The following DACH1 variants were observed in gnomAD, a reference collection of about 807,000 sequenced individuals.
DACH1 encodes the protein dachshund family transcription factor 1, also known as dachshund homolog 1.
Under a neutral mutation model 54.2 loss-of-function variants are expected in DACH1, and 12 were observed. The ratio of observed to expected loss-of-function variants is 0.22; its 90% CI spans 0.14 to 0.36. The LOEUF is 0.36. Ranked by LOEUF, DACH1 falls within the 10% of genes least tolerant of loss-of-function variation. DACH1 has a pLI of 1.00. For synonymous variants in DACH1, 386 were observed against 366.2 expected (o/e 1.05, Z -0.62); for missense variants, 805 against 929.8 (o/e 0.87, Z 1.75).
intron 3 of DACH1, among the ~76,000 whole-genome samples, chr13:71,590,159 G>A (rs977630879): frequency 3.3e-5 from 5 of 151,956 alleles, no homozygotes; most frequent in Non-Finnish European, 7.4e-5. Context: ...GCCACACAGC[G>A]CACTATAAAC....
At chr13:71,487,258 A>G (rs976035702) in intron 7 of DACH1, among the ~76,000 whole-genome samples, 11 of 152,126 alleles carry the variant, frequency 7.2e-5, no homozygotes, top group African/African-American at 2.7e-4. Flanking sequence ...TGTCTTGACC[A>G]TTGTCCTTTT....
intron 10 of DACH1, among the ~76,000 whole-genome samples, chr13:71,447,452 T>A (rs1203550019): frequency 6.6e-6 from 1 of 152,226 alleles, no homozygotes; most frequent in Non-Finnish European, 1.5e-5. Context: ...TATAGACAGA[T>A]GTGGAATTTA....
At chr13:71,494,214 T>G (rs1489438042) in intron 6 of DACH1, among the ~76,000 whole-genome samples, 1 of 152,152 alleles carries the variant, frequency 6.6e-6, no homozygotes, top group African/African-American at 2.4e-5. Flanking sequence ...ATTGCAATTT[T>G]CAGTTTTACA....
chr13:71,650,753 A>T (rs1878609627), intron 2 of DACH1, among the ~76,000 whole-genome samples: 1 of 152,164 alleles, frequency 6.6e-6, no homozygotes, highest in Non-Finnish European at 1.5e-5. Flanking sequence ...ACTACATATG[A>T]TCTTTCAACA....
intron 3 of DACH1, among the ~76,000 whole-genome samples, chr13:71,585,478 G>T (rs901888871): frequency 1.3e-5 from 2 of 152,138 alleles, no homozygotes; most frequent in Non-Finnish European, 2.9e-5. Context: ...GAATTTGGAA[G>T]ATGTTTGCAG....
At chr13:71,601,552 CTTAT>C (rs1874497186) in intron 3 of DACH1, among the ~76,000 whole-genome samples, 1 of 151,844 alleles carries the variant, frequency 6.6e-6, no homozygotes, top group Non-Finnish European at 1.5e-5. Context: ...TGTATTCTTA[CTTAT>C]TCTGTGCTAT....
In DACH1 at chr13:71,842,054, T is replaced by C. The variant is rs569655787; in HGVS notation, c.848+23868A>G. Among the ~76,000 whole-genome samples, 478 of 152,320 alleles carry C rather than the reference T, an allele frequency of 3.1e-3. 1 individual carries two copies. The highest frequency in any genetic ancestry group is 5.5e-3 in the Non-Finnish European group (375 of 68,032). ...ATTTTAGGCTGCAAGTATAGTGTAC[T>C]AAAGAGTGTAGAATTTGGAATCAGA... On this transcript the variant is annotated intron_variant, in intron 1 of 10. Coordinates refer to ENST00000613252, the MANE Select transcript of DACH1 (RefSeq NM_080759.6).
intron 2 of DACH1, among the ~76,000 whole-genome samples, chr13:71,675,709 C>A (rs1352678813): frequency 6.6e-6 from 1 of 152,048 alleles, no homozygotes; most frequent in Non-Finnish European, 1.5e-5. Flanking sequence ...AGCATTAATG[C>A]AAGTTAAAAT....
chr13:71,703,480 G>T (rs1431979590), intron 1 of DACH1, among the ~76,000 whole-genome samples: 1 of 152,188 alleles, frequency 6.6e-6, no homozygotes, highest in East Asian at 1.9e-4. Flanking sequence ...CAAATATAAA[G>T]AAATGGTTGT....
At chr13:71,572,319 A>G (rs949579577) in intron 4 of DACH1, among the ~76,000 whole-genome samples, 1 of 152,198 alleles carries the variant, frequency 6.6e-6, no homozygotes, top group African/African-American at 2.4e-5. Context: ...TGAAGTTTAT[A>G]TAACAATAAT....
At chr13:71,551,739 A>C (rs1883830890) in intron 6 of DACH1, among the ~76,000 whole-genome samples, 1 of 152,138 alleles carries the variant, frequency 6.6e-6, no homozygotes, top group Non-Finnish European at 1.5e-5. Context: ...ATTTTCTTTC[A>C]AAAGGGCTTT....
chr13:71,649,924 T>C (rs778971835), intron 2 of DACH1, among the ~76,000 whole-genome samples: 104 of 152,158 alleles, frequency 6.8e-4, no homozygotes, highest in Admixed American at 1.0e-3. Context: ...TATCTTGGAA[T>C]TCAAATTCTT....
At chr13:71,559,414 A>G (rs1477645594) in intron 5 of DACH1, among the ~76,000 whole-genome samples, 2 of 152,278 alleles carry the variant, frequency 1.3e-5, no homozygotes, top group Middle Eastern at 6.8e-3. Flanking sequence ...CTCCATTAAC[A>G]CAAGGATAAA....
Position 71,688,207 on chromosome 13 carries a change from G to C in DACH1, c.849-6297C>G, listed in dbSNP as rs1881280692. ...TAGATTAAATAAACCTCAGGAAATAGACCCAACAGCACAAAAGGATATAAA... is the reference window on the plus strand; with the variant it reads ...TAGATTAAATAAACCTCAGGAAATACACCCAACAGCACAAAAGGATATAAA... On this transcript the variant is annotated intron_variant, in intron 1 of 10. Transcript: ENST00000613252. 5.9e-5 allele frequency among the ~76,000 whole-genome samples: 9 copies of C among 152,244 alleles called. No homozygotes were observed. The South Asian group carries it at 1.9e-3, about 32-fold the overall frequency.
At chr13:71,444,253 A>C (rs1874255717) in intron 10 of DACH1, among the ~76,000 whole-genome samples, 1 of 152,140 alleles carries the variant, frequency 6.6e-6, no homozygotes. Flanking sequence ...AGTAACAGAG[A>C]ATAGAGAAGT....
At chr13:71,619,757 GTGTC>G (rs1252969464) in intron 3 of DACH1, among the ~76,000 whole-genome samples, 4 of 151,928 alleles carry the variant, frequency 2.6e-5, no homozygotes, top group Non-Finnish European at 5.9e-5. Flanking sequence ...TTGTGTATGA[GTGTC>G]TAGCTAAGTT....
intron 4 of DACH1, among the ~76,000 whole-genome samples, chr13:71,571,730 CTTT>C (rs756352766): frequency 1.5e-5 from 2 of 134,980 alleles, no homozygotes; most frequent in African/African-American, 5.5e-5. Flanking sequence ...GTAACAGGGC[CTTT>C]TTTTTTTTTT....
At chr13:71,736,875 C>T (rs1884150424) in intron 1 of DACH1, among the ~76,000 whole-genome samples, 1 of 152,176 alleles carries the variant, frequency 6.6e-6, no homozygotes, top group African/African-American at 2.4e-5. Flanking sequence ...GACACAGATC[C>T]TGTCTTCTTA....
chr13:71,648,439 G>C (rs1252748097), intron 2 of DACH1, among the ~76,000 whole-genome samples: 2 of 152,102 alleles, frequency 1.3e-5, no homozygotes, highest in Admixed American at 1.3e-4. Context: ...GAAAGGGAGG[G>C]AGACAACAAT....
Sources: allele counts gnomAD v4.1 joint callset (sites outside exome capture counted in the v4.1 genomes callset), GRCh38; gene constraint gnomAD v4.1.1; transcripts MANE v1.5; gene names NCBI Gene and HGNC (gene_info 2026-07-23, HGNC 2026-07-21).